The following MARCHF3 variants were observed in gnomAD, a reference collection of about 807,000 sequenced individuals.
MARCHF3 encodes the protein membrane associated ring-CH-type finger 3.
In MARCHF3, 13 loss-of-function variants were observed where a neutral mutation model predicts 24.2. The observed-to-expected ratio is 0.54, with a 90% CI of 0.35 to 0.85. The LOEUF (loss-of-function observed/expected upper bound fraction) is 0.85. Among genes scored for constraint, MARCHF3 ranks in the 40% least tolerant of loss-of-function variants. MARCHF3 has a pLI of 0.01. For synonymous variants in MARCHF3, 144 were observed against 137.3 expected, an observed-to-expected ratio of 1.05 and a Z score of -0.34; for missense variants, 276 against 325.0, an observed-to-expected ratio of 0.85 and a Z score of 1.16.
rs184452715 is a variant in MARCHF3 at position 126,909,292 on chromosome 5, G to A, written c.393+5638C>T. 7.8e-3 allele frequency among the ~76,000 whole-genome samples: 1,191 copies of A among 152,356 alleles called. 8 individuals carry two copies. Among genetic ancestry groups the A allele is most frequent in the Non-Finnish European group, 0.013 (858 of 68,030 alleles). On this transcript the variant is annotated intron_variant, in intron 3 of 4. Transcript: ENST00000308660. ...CTTTTTGTTTGTCTGTGCCCTGCAC[G>A]CAGAAGTGGAGCCTATAGAGGCAGG...
intron 1 of MARCHF3, among the ~76,000 whole-genome samples, chr5:126,950,566 C>T (rs542800038): frequency 6.6e-6 from 1 of 152,292 alleles, no homozygotes; most frequent in African/African-American, 2.4e-5. Flanking sequence ...GCTGCTATCA[C>T]AAAGGAACCA....
intron 1 of MARCHF3, among the ~76,000 whole-genome samples, chr5:127,003,309 T>C (rs1257256597): frequency 6.8e-6 from 1 of 147,248 alleles, no homozygotes; most frequent in Non-Finnish European, 1.5e-5. Flanking sequence ...CTACTAAAAA[T>C]ACAAAAAATT....
chr5:127,026,602 G>T (rs529715180), intron 1 of MARCHF3, among the ~76,000 whole-genome samples: 15 of 152,180 alleles, frequency 9.9e-5, no homozygotes, highest in African/African-American at 3.6e-4. Flanking sequence ...TGATATGAAC[G>T]ACTAAGCATA....
chr5:127,009,685 C>T (rs1341580766), intron 1 of MARCHF3, among the ~76,000 whole-genome samples: 1 of 152,112 alleles, frequency 6.6e-6, no homozygotes, highest in African/African-American at 2.4e-5. Flanking sequence ...TTCTACCAAC[C>T]CCAACCAGCC....
chr5:126,907,441 G>A (rs1162635976), intron 3 of MARCHF3, among the ~76,000 whole-genome samples: 4 of 146,372 alleles, frequency 2.7e-5, no homozygotes, highest in Non-Finnish European at 6.0e-5. Flanking sequence ...CATTATTAAT[G>A]TGTGGGAGTC....
chr5:126,930,223 T>C lies in MARCHF3; in HGVS notation c.-56-11996A>G, dbSNP rs181515216. ...CATCCCTGCCATTTTGCAGTGCTCTTGGAAGGAAGGCCAGATGCTGTTTTC... is the reference window on the plus strand; with the variant it reads ...CATCCCTGCCATTTTGCAGTGCTCTCGGAAGGAAGGCCAGATGCTGTTTTC... On this transcript the variant is annotated intron_variant, in intron 1 of 4. Coordinates refer to ENST00000308660, the MANE Select transcript of MARCHF3 (RefSeq NM_178450.5). Among the ~76,000 whole-genome samples, 10 of 152,356 alleles carry C rather than the reference T, an allele frequency of 6.6e-5. No individual in the cohort carries two copies. The East Asian group carries it at 1.9e-3, about 29-fold the overall frequency.
intron 1 of MARCHF3, among the ~76,000 whole-genome samples, chr5:127,019,686 A>T (rs776961620): frequency 1.3e-5 from 2 of 152,114 alleles, no homozygotes; most frequent in Non-Finnish European, 2.9e-5. Context: ...AGATGAAAGG[A>T]CCCTGTTTCC....
At chr5:126,957,584 T>G (rs1750492232) in intron 1 of MARCHF3, among the ~76,000 whole-genome samples, 1 of 152,194 alleles carries the variant, frequency 6.6e-6, no homozygotes, top group South Asian at 2.1e-4. Flanking sequence ...TTATTTTTGA[T>G]AACTTCTTTA....
At chr5:126,914,268 C>T (rs1241704727) in intron 3 of MARCHF3, among the ~76,000 whole-genome samples, 2 of 152,036 alleles carry the variant, frequency 1.3e-5, no homozygotes, top group Non-Finnish European at 2.9e-5. Context: ...CAGACATGAG[C>T]CACCGCGCCC....
At chr5:126,951,941 G>A (rs896996992) in intron 1 of MARCHF3, among the ~76,000 whole-genome samples, 1 of 152,068 alleles carries the variant, frequency 6.6e-6, no homozygotes, top group African/African-American at 2.4e-5. Flanking sequence ...CTGCCTCCCG[G>A]GTTCAAGCGA....
intron 1 of MARCHF3, among the ~76,000 whole-genome samples, chr5:126,923,079 C>A (rs1271091259): frequency 6.6e-6 from 1 of 152,156 alleles, no homozygotes; most frequent in Non-Finnish European, 1.5e-5. Flanking sequence ...GATATATGTG[C>A]AGCAAACCAC....
chr5:126,899,355 A>G, intron 3 of MARCHF3: 1 of 959,056 alleles, frequency 1.0e-6, no homozygotes, highest in Non-Finnish European at 1.2e-6. Context: ...GTTGCAAAAT[A>G]AGGTTTACCA....
At chr5:126,935,317 A>G (rs980943850) in intron 1 of MARCHF3, among the ~76,000 whole-genome samples, 4 of 152,250 alleles carry the variant, frequency 2.6e-5, no homozygotes, top group Admixed American at 6.5e-5. Context: ...GAACAGAACA[A>G]AAATGCTGAC....
chr5:126,920,232 G>GTTGTT (rs1030293717), intron 1 of MARCHF3, among the ~76,000 whole-genome samples: 2 of 121,074 alleles, frequency 1.7e-5, no homozygotes, highest in Non-Finnish European at 4.0e-5. Flanking sequence ...GGGCCAGACA[G>GTTGTT]TTGTTTTGTT....
intron 3 of MARCHF3, among the ~76,000 whole-genome samples, chr5:126,908,181 G>A (rs564555842): frequency 1.7e-3 from 254 of 152,262 alleles, no homozygotes; most frequent in African/African-American, 4.5e-3. Flanking sequence ...AGTTCCTGCC[G>A]ACAGATCTGC....
At chr5:126,921,546 C>T (rs1052485332) in intron 1 of MARCHF3, among the ~76,000 whole-genome samples, 4 of 152,158 alleles carry the variant, frequency 2.6e-5, no homozygotes, top group East Asian at 1.9e-4. Flanking sequence ...AGGCTGTTGC[C>T]GAGGATGCTA....
chr5:126,881,491 T>C (rs536323427), intron 3 of MARCHF3, among the ~76,000 whole-genome samples: 4 of 152,164 alleles, frequency 2.6e-5, no homozygotes, highest in African/African-American at 9.7e-5. Flanking sequence ...CAGAGAAAAT[T>C]TGATTACAGC....
At chr5:126,958,117 G>A (rs1750507572) in intron 1 of MARCHF3, among the ~76,000 whole-genome samples, 1 of 151,912 alleles carries the variant, frequency 6.6e-6, no homozygotes, top group African/African-American at 2.4e-5. Context: ...TTATTACTTT[G>A]TGTTGATTCT....
intron 4 of MARCHF3, among the ~76,000 whole-genome samples, chr5:126,871,665 C>T (rs1202502589): frequency 1.3e-5 from 2 of 151,980 alleles, no homozygotes; most frequent in Non-Finnish European, 2.9e-5. Context: ...GAATAAGCAT[C>T]CTATATTTTC....
Sources: gnomAD v4.1 joint callset for allele counts (sites outside exome capture counted in the v4.1 genomes callset) on GRCh38, gnomAD v4.1.1 for gene constraint, MANE v1.5 for transcripts, NCBI Gene and HGNC (gene_info 2026-07-23, HGNC 2026-07-21) for gene names.